Variants in TTC1 observed in about 807,000 individuals in gnomAD.
TTC1 encodes the protein tetratricopeptide repeat domain 1, also known as tetratricopeptide repeat protein 1.
In TTC1, 31 loss-of-function variants were observed where a neutral mutation model predicts 37.6. The observed-to-expected ratio is 0.82, with a 90% CI of 0.62 to 1.11. TTC1 has a LOEUF of 1.11. Ranked by LOEUF, TTC1 falls within the 50% of genes most tolerant of loss-of-function variation. The pLI is 0.00. For synonymous variants in TTC1, 127 were observed against 122.4 expected (o/e 1.04, Z -0.25); for missense variants, 351 against 339.0 (o/e 1.04, Z -0.28).
intron 5 of TTC1, among the ~76,000 whole-genome samples, chr5:160,043,393 AG>A (rs932442921): frequency 6.6e-6 from 1 of 152,210 alleles, no homozygotes; most frequent in African/African-American, 2.4e-5. Context: ...AGAAAAATTC[AG>A]TGCTCTAGCC....
At chr5:160,023,820 A>C in intron 2 of TTC1, 1 of 1,613,596 alleles carries the variant, frequency 6.2e-7, no homozygotes, top group South Asian at 1.1e-5. Flanking sequence ...TCATTCTCAG[A>C]GTCTGAGCTG....
chr5:160,032,896 G>C (rs1368449352), intron 2 of TTC1, among the ~76,000 whole-genome samples: 1 of 150,174 alleles, frequency 6.7e-6, no homozygotes, highest in Non-Finnish European at 1.5e-5. Flanking sequence ...TTTTTTGGGG[G>C]GGTATTTTTA....
chr5:160,043,235 G>T, intron 5 of TTC1, 66 bp downstream of exon 5: 11 of 1,580,212 alleles, frequency 7.0e-6, no homozygotes, highest in Non-Finnish European at 9.5e-6. Flanking sequence ...AGGGGCTTTG[G>T]GTCAGGTGTG....
At chr5:160,038,132 A>G (rs777982814) in intron 4 of TTC1, among the ~76,000 whole-genome samples, 6 of 152,044 alleles carry the variant, frequency 3.9e-5, no homozygotes, top group Admixed American at 6.5e-5. Context: ...TCTTCAAAGC[A>G]GAGTATTTTT....
chr5:160,044,823 G>GC (rs1757172695), intron 5 of TTC1, among the ~76,000 whole-genome samples: 1 of 152,110 alleles, frequency 6.6e-6, no homozygotes, highest in Non-Finnish European at 1.5e-5. Flanking sequence ...ATTTTACCCA[G>GC]CCCCTATTCA....
At chr5:160,024,400 C>T (rs1561627543) in intron 2 of TTC1, among the ~76,000 whole-genome samples, 1 of 152,142 alleles carries the variant, frequency 6.6e-6, no homozygotes, top group Non-Finnish European at 1.5e-5. Flanking sequence ...AAACTGCAGA[C>T]CTTATTCAGA....
chr5:160,025,447 C>CT (rs1756785067), intron 2 of TTC1, among the ~76,000 whole-genome samples: 1 of 152,226 alleles, frequency 6.6e-6, no homozygotes, highest in South Asian at 2.1e-4. Context: ...CAGGTATGGG[C>CT]TACCACACCA....
At chr5:160,031,302 C>A (rs370293375) in intron 2 of TTC1, among the ~76,000 whole-genome samples, 4 of 152,088 alleles carry the variant, frequency 2.6e-5, no homozygotes, top group South Asian at 2.1e-4. Context: ...GTGATTTATC[C>A]GTTGAAACAA....
chr5:160,017,273 A>G (rs567710480), intron 2 of TTC1, among the ~76,000 whole-genome samples: 5 of 152,216 alleles, frequency 3.3e-5, no homozygotes, highest in Non-Finnish European at 7.3e-5. Context: ...ACTTATAAAT[A>G]ATAGAAATTT....
rs182691561 is a variant in TTC1, at chr5:160,062,863, G to A, written c.746-2069G>A. Among the ~76,000 whole-genome samples the A allele has an allele frequency of 2.7e-3, 414 of 151,898 alleles. 3 individuals are homozygous for A. The highest frequency in any genetic ancestry group is 9.5e-3 in the African/African-American group (395 of 41,436). On this transcript the variant is annotated intron_variant, in intron 7 of 7. Coordinates refer to ENST00000231238, the MANE Select transcript of TTC1 (RefSeq NM_003314.3). ...TCCAACCCCAGAACAAACTGCCAGC[G>A]TTCCTGGTTGGTGTTGCTAACTCAG...
intron 2 of TTC1, among the ~76,000 whole-genome samples, chr5:160,021,546 A>G (rs150098377): frequency 6.6e-6 from 1 of 152,234 alleles, no homozygotes; most frequent in African/African-American, 2.4e-5. Flanking sequence ...TAGATCAGTC[A>G]TTTTTTTCCT....
chr5:160,027,291 A>T (rs1389894227), intron 2 of TTC1, among the ~76,000 whole-genome samples: 1 of 152,212 alleles, frequency 6.6e-6, no homozygotes, highest in African/African-American at 2.4e-5. Context: ...GGCCTCCCAA[A>T]GTGCTGAAAT....
intron 2 of TTC1, among the ~76,000 whole-genome samples, chr5:160,031,929 T>C (rs1756917242): frequency 6.6e-6 from 1 of 152,184 alleles, no homozygotes; most frequent in African/African-American, 2.4e-5. Context: ...AGTTCAAGTT[T>C]ACAGTAAACT....
intron 2 of TTC1, among the ~76,000 whole-genome samples, chr5:160,021,968 C>T (rs1436226733): frequency 6.6e-6 from 1 of 152,120 alleles, no homozygotes; most frequent in African/African-American, 2.4e-5. Context: ...CTGTGCTTGG[C>T]ATAAAGTGTA....
At chr5:160,037,669 C>G in intron 4 of TTC1, among the ~76,000 whole-genome samples, 1 of 152,058 alleles carries the variant, frequency 6.6e-6, no homozygotes, top group Non-Finnish European at 1.5e-5. Flanking sequence ...GCACTGCACT[C>G]TGGCCTGGGC....
intron 5 of TTC1, among the ~76,000 whole-genome samples, chr5:160,045,516 A>T (rs1422065955): frequency 1.9e-3 from 53 of 27,866 alleles, no homozygotes; most frequent in Admixed American, 5.0e-3. Context: ...ACACACACAT[A>T]CACACTCTCT....
At chr5:160,017,391 G>A (rs150257844) in intron 2 of TTC1, among the ~76,000 whole-genome samples, 31 of 152,256 alleles carry the variant, frequency 2.0e-4, no homozygotes, top group Non-Finnish European at 3.8e-4. Flanking sequence ...GTCCCTACAT[G>A]GCAGCAGGGG....
chr5:160,023,490 G>C (rs1015443039), intron 2 of TTC1, among the ~76,000 whole-genome samples: 25 of 152,150 alleles, frequency 1.6e-4, no homozygotes, highest in South Asian at 4.1e-4. Flanking sequence ...ACACGGTCTT[G>C]CTGTGTTGCC....
At chr5:160,027,190 A>G (rs1334300627) in intron 2 of TTC1, among the ~76,000 whole-genome samples, 3 of 151,828 alleles carry the variant, frequency 2.0e-5, no homozygotes, top group African/African-American at 7.3e-5. Flanking sequence ...CACCATGCCC[A>G]GCTAATTTTT....
Sources: allele counts gnomAD v4.1 joint callset (sites outside exome capture counted in the v4.1 genomes callset), GRCh38; gene constraint gnomAD v4.1.1; transcripts MANE v1.5; gene names NCBI Gene and HGNC (gene_info 2026-07-23, HGNC 2026-07-21).